Variants in MALRD1 observed in about 807,000 individuals in gnomAD.
The protein encoded by MALRD1 is MAM and LDL-receptor class A domain-containing protein 1.
Under a neutral mutation model 242.1 loss-of-function variants are expected in MALRD1, and 247 were observed. The ratio of observed to expected loss-of-function variants is 1.02; its 90% confidence interval spans 0.92 to 1.13. MALRD1 has a LOEUF of 1.13. Ranked by LOEUF, MALRD1 falls within the 50% of genes most tolerant of loss-of-function variation. The pLI is 0.00. For synonymous variants in MALRD1, 995 were observed against 866.6 expected, an observed-to-expected ratio of 1.15 and a Z score of -2.60; for missense variants, 2,989 against 2,533.1, an observed-to-expected ratio of 1.18 and a Z score of -3.86.
intron 2 of MALRD1, among the ~76,000 whole-genome samples, chr10:19,078,650 G>A (rs2131273616): frequency 6.6e-6 from 1 of 151,852 alleles, no homozygotes; most frequent in Admixed American, 6.6e-5. Flanking sequence ...CTTTTGTGCT[G>A]GAGCATTTGT....
chr10:19,197,938 G>A (rs80039605), intron 14 of MALRD1, among the ~76,000 whole-genome samples: 9,879 of 152,122 alleles, frequency 0.065, 360 homozygotes, highest in Middle Eastern at 0.095. Flanking sequence ...AGTTTTTGTC[G>A]AATGAATGAA....
At chr10:19,312,378 G>GTATATATATATATA (rs112120220) in intron 21 of MALRD1, among the ~76,000 whole-genome samples, 28 of 137,526 alleles carry the variant, frequency 2.0e-4, no homozygotes, top group African/African-American at 6.5e-4. Flanking sequence ...AGAGGAATGT[G>GTATATATATATATA]TATATATATA....
chr10:19,393,629 T>G (rs1846438899), intron 28 of MALRD1, among the ~76,000 whole-genome samples: 1 of 148,908 alleles, frequency 6.7e-6, no homozygotes, highest in Non-Finnish European at 1.5e-5. Flanking sequence ...TTTTTTTTTT[T>G]GTATTTTTAG....
intron 10 of MALRD1, among the ~76,000 whole-genome samples, chr10:19,140,697 A>G (rs1277383046): frequency 6.6e-6 from 1 of 152,154 alleles, no homozygotes; most frequent in Non-Finnish European, 1.5e-5. Context: ...ACAGAGAAAG[A>G]TAAATACAGC....
chr10:19,608,161 G>C (rs1162052025), intron 35 of MALRD1, among the ~76,000 whole-genome samples: 1 of 151,994 alleles, frequency 6.6e-6, no homozygotes, highest in African/African-American at 2.4e-5. Context: ...TTAACACAAT[G>C]TAATTTAAGA....
intron 36 of MALRD1, among the ~76,000 whole-genome samples, chr10:19,677,698 T>C (rs1002651923): frequency 5.3e-5 from 8 of 152,212 alleles, no homozygotes; most frequent in Non-Finnish European, 1.2e-4. Flanking sequence ...AATGTTTGCT[T>C]TTGTGGCAAC....
chr10:19,725,220 C>T (rs1283456797), intron 38 of MALRD1, among the ~76,000 whole-genome samples: 2 of 152,140 alleles, frequency 1.3e-5, no homozygotes, highest in East Asian at 1.9e-4. Context: ...TCCATAATCC[C>T]CACAAGCCGT....
intron 19 of MALRD1, among the ~76,000 whole-genome samples, chr10:19,261,229 C>A (rs1028504314): frequency 2.0e-5 from 3 of 152,070 alleles, no homozygotes; most frequent in Non-Finnish European, 4.4e-5. Context: ...TGCGAAATGT[C>A]AGTTACTGAG....
intron 2 of MALRD1, among the ~76,000 whole-genome samples, chr10:19,084,633 C>T (rs1835607172): frequency 6.6e-6 from 1 of 151,866 alleles, no homozygotes; most frequent in South Asian, 2.1e-4. Context: ...AAAATTCTAC[C>T]TTATCTTTCC....
intron 21 of MALRD1, chr10:19,290,490 G>T (rs1214569003): frequency 6.6e-6 from 1 of 152,132 alleles, no homozygotes; most frequent in African/African-American, 2.4e-5. Context: ...GAAAGATAAA[G>T]TAAAAATCAT....
At chr10:19,230,415 A>T (rs1043225119) in intron 18 of MALRD1, among the ~76,000 whole-genome samples, 8 of 152,078 alleles carry the variant, frequency 5.3e-5, no homozygotes, top group Admixed American at 3.3e-4. Flanking sequence ...GCTTCCAATC[A>T]TGGTGGAAGG....
intron 36 of MALRD1, among the ~76,000 whole-genome samples, chr10:19,638,274 A>G (rs1840236160): frequency 1.3e-5 from 2 of 152,050 alleles, no homozygotes; most frequent in Admixed American, 1.3e-4. Context: ...GTTATTTTCC[A>G]TGAATTATAT....
At chr10:19,508,688 A>G (rs371915373) in intron 31 of MALRD1, among the ~76,000 whole-genome samples, 2 of 152,346 alleles carry the variant, frequency 1.3e-5, no homozygotes, top group South Asian at 4.1e-4. Flanking sequence ...TGTTGAAATT[A>G]TAACATTTTG....
At chr10:19,455,347 C>T (rs1328147948) in intron 29 of MALRD1, among the ~76,000 whole-genome samples, 2 of 152,120 alleles carry the variant, frequency 1.3e-5, no homozygotes, top group African/African-American at 2.4e-5. Flanking sequence ...TTCTTAAGTA[C>T]AGTCATTCAC....
chr10:19,331,294 G>A, intron 23 of MALRD1, 75 bp from the exon 24 acceptor site: 1 of 1,179,690 alleles, frequency 8.5e-7, no homozygotes, highest in Non-Finnish European at 1.2e-6. Flanking sequence ...CGATTGATGT[G>A]CTTGATACTT....
intron 38 of MALRD1, among the ~76,000 whole-genome samples, chr10:19,703,766 G>A (rs1001033270): frequency 6.6e-6 from 1 of 152,072 alleles, no homozygotes; most frequent in South Asian, 2.1e-4. Flanking sequence ...GTGGTGGCAG[G>A]TCCCTGTAAT....
In MALRD1 at chr10:19,393,663, A is replaced by T. The variant is rs188415173; in HGVS notation, c.4845+4054A>T. 8.3e-5 allele frequency among the ~76,000 whole-genome samples: 12 copies of T among 144,422 alleles called. No individual in the cohort carries two copies. In the South Asian group the frequency reaches 2.7e-3, roughly 32 times the overall value. 94.7% of individuals were successfully genotyped at this position (144,422 alleles called of 152,430 possible). On this transcript the variant is annotated intron_variant, in intron 28 of 39. Coordinates refer to ENST00000454679, the MANE Select transcript of MALRD1 (RefSeq NM_001142308.3). ...AGTAGAGACAGAGTTTCACCATGTT[A>T]GCCAGGATGGTCTCCATCGCCTGAC...
chr10:19,324,368 C>T (rs1843029031), intron 22 of MALRD1, among the ~76,000 whole-genome samples: 1 of 152,116 alleles, frequency 6.6e-6, no homozygotes, highest in Admixed American at 6.6e-5. Flanking sequence ...ACACTTGAAA[C>T]ATATGCAGGT....
intron 29 of MALRD1, 65 bp from the exon 30 acceptor site, chr10:19,491,452 A>G: frequency 6.6e-7 from 1 of 1,512,632 alleles, no homozygotes; most frequent in Non-Finnish European, 8.9e-7. Context: ...AATACCTAAC[A>G]GGAATCTTCA....
Sources: gnomAD v4.1 joint callset for allele counts (sites outside exome capture counted in the v4.1 genomes callset) on GRCh38, gnomAD v4.1.1 for gene constraint, MANE v1.5 for transcripts, NCBI Gene and HGNC (gene_info 2026-07-23, HGNC 2026-07-21) for gene names.